Variants in NLRP2 observed in about 807,000 individuals in gnomAD.
The protein encoded by NLRP2 is NLR family pyrin domain containing 2.
NLRP2 carries 107 observed loss-of-function variants against 97.2 expected under a neutral mutation model. The observed-to-expected ratio is 1.10, with a 90% CI of 0.94 to 1.29. The LOEUF (loss-of-function observed/expected upper bound fraction) is 1.29. Ranked by LOEUF, NLRP2 falls within the 50% of genes most tolerant of loss-of-function variation. NLRP2 has a pLI of 0.00. For synonymous variants in NLRP2, 663 were observed against 551.5 expected, an observed-to-expected ratio of 1.20 and a Z score of -2.83; for missense variants, 1,495 against 1,330.3, an observed-to-expected ratio of 1.12 and a Z score of -1.93.
intron 4 of NLRP2, among the ~76,000 whole-genome samples, chr19:54,979,316 C>G (rs907933852): frequency 2.0e-5 from 3 of 151,742 alleles, no homozygotes; most frequent in Admixed American, 6.6e-5. Flanking sequence ...CTTGCTTACT[C>G]CACATTCCCT....
rs1206435643 is a variant in NLRP2, at chr19:54,994,270, C to G, written c.2710C>G (p.Leu904Val). The G allele has an allele frequency of 6.2e-7, 1 of 1,614,126 alleles. No homozygotes were observed. The highest frequency in any genetic ancestry group is 1.7e-5 in the Admixed American group (1 of 59,998). Residue 904 changes from leucine (L) to valine (V), a missense_variant and splice_region_variant, in exon 11 of 13, where the codon CTT (leucine) becomes GTT (valine). Physicochemically the swap from Leu to Val is conservative, Grantham distance 32. Coordinates refer to ENST00000448584, the MANE Select transcript of NLRP2 (RefSeq NM_017852.5). ...YPECKLQTLV[L>V]WNCDITSDGC... ...TTTCTTCCTGTGGTTGATTTCTAGG[C>G]TTTGGAACTGCGACATAACTAGCGA...
chr19:54,977,042 T>C, intron 3 of NLRP2: 1 of 317,174 alleles, frequency 3.2e-6, no homozygotes, highest in Non-Finnish European at 6.1e-6. Context: ...CTCGATCTCC[T>C]GACCTCATGA....
At chr19:55,000,655 T>G in intron 12 of NLRP2, 105 bp from the exon 13 acceptor site, 2 of 1,122,440 alleles carry the variant, frequency 1.8e-6, no homozygotes, top group Non-Finnish European at 1.3e-6. Flanking sequence ...TCAGGAAAGG[T>G]GACCCATGCC....
At chr19:54,980,648 T>C (rs546959131) in intron 4 of NLRP2, among the ~76,000 whole-genome samples, 4 of 152,312 alleles carry the variant, frequency 2.6e-5, no homozygotes, top group African/African-American at 9.6e-5. Flanking sequence ...TTTTATAGAA[T>C]AGGGCTTGGG....
chr19:54,997,367 C>T lies in NLRP2; in HGVS notation c.2930C>T (p.Ala977Val). The T allele has an allele frequency of 6.2e-7, 1 of 1,614,132 alleles. No individual in the cohort carries two copies. Among genetic ancestry groups the T allele is most frequent in the Non-Finnish European group, 8.5e-7 (1 of 1,179,992 alleles). Residue 977 changes from alanine to valine, a missense_variant, in exon 12 of 13, where the codon GCC becomes GTC. Transcript: ENST00000448584. ...TTCAGTTGTGAAGACCTCTGCTCTGCCCTCAGCTGCAACCAGAGCCTCGTC... is the reference window on the plus strand; with the variant it reads ...TTCAGTTGTGAAGACCTCTGCTCTGTCCTCAGCTGCAACCAGAGCCTCGTC... Reference protein sequence around the residue: ...PPFSCEDLCSALSCNQSLVTL... With the variant: ...PPFSCEDLCSVLSCNQSLVTL...
chr19:54,975,101 G>GTTTTTT (rs1190231820), intron 3 of NLRP2, among the ~76,000 whole-genome samples: 17 of 83,100 alleles, frequency 2.0e-4, no homozygotes, highest in East Asian at 7.2e-4. Context: ...ACCACACCCG[G>GTTTTTT]TTTTGTTTTT....
chr19:54,968,713 T>TTTTTTTTTTTTTTTTA (rs1454134577), intron 1 of NLRP2, among the ~76,000 whole-genome samples: 2 of 135,770 alleles, frequency 1.5e-5, no homozygotes, highest in Admixed American at 7.7e-5. Context: ...TTTTTTTTTT[T>TTTTTTTTTTTTTTTTA]GAGACAGTTT....
At chr19:54,975,729 G>A (rs1399613190) in intron 3 of NLRP2, among the ~76,000 whole-genome samples, 2 of 152,078 alleles carry the variant, frequency 1.3e-5, no homozygotes, top group Non-Finnish European at 2.9e-5. Context: ...TGGGATTACA[G>A]GCGTGAGCCA....
rs774830526 is a variant in NLRP2 at position 54,983,606 on chromosome 19, C to T, written c.1908C>T (p.Asp636=). 26 of 1,614,020 alleles carry T rather than the reference C, an allele frequency of 1.6e-5. No homozygotes were observed. The highest frequency in any genetic ancestry group is 1.6e-4 in the African/African-American group (12 of 74,932). Reference sequence around the variant, plus strand: ...TATCCCTGCACTTAAATGCAGTAGACGTTGTGCCATCTTCATTCTGCGTCA... The same window carrying T: ...TATCCCTGCACTTAAATGCAGTAGATGTTGTGCCATCTTCATTCTGCGTCA... ...KEISLHLNAV[D]VVPSSFCVKH... Residue 636 remains aspartate, a synonymous_variant, in exon 6 of 13, where the codon GAC becomes GAT. Coordinates refer to ENST00000448584, the MANE Select transcript of NLRP2 (RefSeq NM_017852.5).
At chr19:54,986,382 T>C in intron 8 of NLRP2, 67 bp downstream of exon 8, 1 of 1,484,808 alleles carries the variant, frequency 6.7e-7, no homozygotes, top group Non-Finnish European at 9.4e-7. Context: ...TATGTGGCAA[T>C]TTTGTGTAAA....
rs777797058 is a variant in NLRP2, at chr19:54,986,151, G to T, written c.2202G>T (p.Val734=). The T allele has an allele frequency of 5.6e-6, 9 of 1,611,408 alleles. No individual in the cohort carries two copies. The highest frequency in any genetic ancestry group is 1.3e-5 in the African/African-American group (1 of 74,832). The change falls in exon 8 of 13, where the codon GTG becomes GTT. Residue 734 remains valine, a splice_region_variant and synonymous_variant. Coordinates refer to ENST00000448584, the MANE Select transcript of NLRP2 (RefSeq NM_017852.5). The stretch of plus-strand genomic sequence containing the variant: ...TTCACTTTCGTTCTCTTTTCCCTAG[G>T]TTCAAAAACATTTCCCCAGCTGATG... ...ASDTCHLQRV[V]FKNISPADAH...
At chr19:54,976,812 C>CTCTCTTTTTTT (rs1555768188) in intron 3 of NLRP2, 1 of 280,754 alleles carries the variant, frequency 3.6e-6, no homozygotes, top group African/African-American at 3.4e-5. Context: ...TGTTCTCTCT[C>CTCTCTTTTTTT]TTTTTTTTTT....
rs558518586 is a variant in NLRP2 at position 54,975,106 on chromosome 19, G to GTTTTTTTTTTTTTTTTTTTTTTT, written c.325+577_325+599dup. The stretch of plus-strand genomic sequence containing the variant: ...ATGAGCCACCACCACACCCGGTTTT[G>GTTTTTTTTTTTTTTTTTTTTTTT]TTTTTTTTTTTTTTTTTTTTTTTTT... On this transcript the variant is annotated intron_variant, in intron 3 of 12. Coordinates refer to ENST00000448584, the MANE Select transcript of NLRP2 (RefSeq NM_017852.5). Among the ~76,000 whole-genome samples the GTTTTTTTTTTTTTTTTTTTTTTT allele has an allele frequency of 2.2e-4, 13 of 58,706 alleles. 2 individuals carry two copies. The highest frequency in any genetic ancestry group is 5.0e-4 in the East Asian group (1 of 2,008). The allele number at this position is 58,706 out of a possible 152,430, so 38.5% of individuals were successfully genotyped here.
chr19:54,967,771 G>GA (rs561942292), intron 1 of NLRP2, among the ~76,000 whole-genome samples: 66 of 152,188 alleles, frequency 4.3e-4, no homozygotes, highest in East Asian at 5.8e-4. Flanking sequence ...TCACTGAGGT[G>GA]AGGGAGCCTC....
At chr19:54,997,292 CGT>C (rs750909490) in intron 11 of NLRP2, 23 bp from the exon 12 acceptor site, 5 of 1,611,294 alleles carry the variant, frequency 3.1e-6, no homozygotes, top group Admixed American at 3.3e-5. Context: ...GCTGCATTAA[CGT>C]GTTGATTTCT....
At chr19:54,967,825 A>T (rs551532524) in intron 1 of NLRP2, among the ~76,000 whole-genome samples, 1 of 152,176 alleles carries the variant, frequency 6.6e-6, no homozygotes, top group East Asian at 1.9e-4. Context: ...GTCTTATGCA[A>T]ATACCTATGC....
chr19:54,966,000 TTTCAC>T (rs1337139114), upstream of NLRP2: 2 of 145,292 alleles, frequency 1.4e-5, no homozygotes, highest in Non-Finnish European at 3.0e-5. Context: ...GTCATTGATA[TTTCAC>T]TTGAAATACG....
At chr19:54,975,101 GTTTTGTTTTTTTTTTTTTTTTTTTTTTT>G (rs2071118949) in intron 3 of NLRP2, among the ~76,000 whole-genome samples, 1 of 83,086 alleles carries the variant, frequency 1.2e-5, no homozygotes, top group Admixed American at 1.6e-4. Flanking sequence ...ACCACACCCG[GTTTTGTTTTTTTTTTTTTTTTTTTTTTT>G]TTTTTTTTTT....
chr19:54,977,634 G>C, intron 3 of NLRP2, 118 bp from the exon 4 acceptor site: 1 of 932,930 alleles, frequency 1.1e-6, no homozygotes, highest in Non-Finnish European at 1.8e-6. Flanking sequence ...CCTTATCAAC[G>C]TCCTTTTTAG....
Sources: gnomAD v4.1 joint callset for allele counts (sites outside exome capture counted in the v4.1 genomes callset) on GRCh38, gnomAD v4.1.1 for gene constraint, MANE v1.5 for transcripts, NCBI Gene and HGNC (gene_info 2026-07-23, HGNC 2026-07-21) for gene names.